The following CACNA1B variants were observed in gnomAD, a reference collection of about 807,000 sequenced individuals.
CACNA1B encodes the protein voltage-dependent N-type calcium channel subunit alpha-1B.
CACNA1B carries 70 observed loss-of-function variants against 247.2 expected under a neutral mutation model. The ratio of observed to expected loss-of-function variants is 0.28; its 90% CI spans 0.23 to 0.35. CACNA1B has a LOEUF of 0.35. CACNA1B is among the 10% of genes least tolerant of loss of function. The pLI is 1.00. For synonymous variants in CACNA1B, 1,231 were observed against 1,294.4 expected, an observed-to-expected ratio of 0.95 and a Z score of 1.05; for missense variants, 2,367 against 3,197.4, an observed-to-expected ratio of 0.74 and a Z score of 6.26.
intron 15 of CACNA1B, among the ~76,000 whole-genome samples, chr9:137,997,032 C>T (rs1480618800): frequency 6.6e-6 from 1 of 152,132 alleles, no homozygotes; most frequent in Non-Finnish European, 1.5e-5. Flanking sequence ...ATTAGAAAAC[C>T]TATGAATGTA....
At chr9:138,009,927 G>T in intron 16 of CACNA1B, 83 bp from the exon 17 acceptor site, 1 of 1,091,282 alleles carries the variant, frequency 9.2e-7, no homozygotes, top group Non-Finnish European at 1.4e-6. Context: ...GAGGCTGGTT[G>T]GGATCTGGGG....
chr9:138,117,180 G>T (rs1961897103), intron 42 of CACNA1B, among the ~76,000 whole-genome samples: 1 of 152,240 alleles, frequency 6.6e-6, no homozygotes, highest in African/African-American at 2.4e-5. Context: ...GTATCTCCGG[G>T]TGGGGCTGTT....
Position 138,120,620 on chromosome 9 carries a change from TC to T in CACNA1B, c.6239-8del. ...GCCTGGCCGTGCTAACTTCTTCTCT[TC>T]CCTGGCCAGCACCAAGCAGTGCTGT... On this transcript the variant is annotated splice_polypyrimidine_tract_variant and intron_variant, in intron 45 of 46. Transcript: ENST00000371372. 1 of 1,487,182 alleles carries T rather than the reference TC, an allele frequency of 6.7e-7. No individual in the cohort carries two copies. Among genetic ancestry groups the T allele is most frequent in the Non-Finnish European group, 8.9e-7 (1 of 1,122,554 alleles). The allele number at this position is 1,487,182 out of a possible 1,614,324, so 92.1% of individuals were successfully genotyped here.
chr9:137,922,443 C>T (rs184520068), intron 6 of CACNA1B, among the ~76,000 whole-genome samples: 1 of 152,346 alleles, frequency 6.6e-6, no homozygotes, highest in Non-Finnish European at 1.5e-5. Context: ...ACATGATCAG[C>T]TGGGCCAGAT....
chr9:137,949,056 GAA>G (rs1589026508), intron 6 of CACNA1B, among the ~76,000 whole-genome samples: 3 of 109,312 alleles, frequency 2.7e-5, no homozygotes, highest in Non-Finnish European at 3.9e-5. Flanking sequence ...GTGTGGGTGT[GAA>G]GTATGTGTGT....
intron 10 of CACNA1B, among the ~76,000 whole-genome samples, chr9:137,968,527 C>T (rs1295939000): frequency 1.3e-5 from 2 of 152,258 alleles, no homozygotes; most frequent in Admixed American, 6.5e-5. Flanking sequence ...CCTCCATCAG[C>T]TCGTGCTTTA....
At chr9:137,965,609 A>ATTTC (rs1958066102) in intron 10 of CACNA1B, among the ~76,000 whole-genome samples, 1 of 151,798 alleles carries the variant, frequency 6.6e-6, no homozygotes, top group South Asian at 2.1e-4. Context: ...TTATTTATTT[A>ATTTC]TTTATTTAAG....
rs1192758157 is a variant in CACNA1B at position 137,954,079 on chromosome 9, C to T, written c.1071-1619C>T. Among the ~76,000 whole-genome samples, 1 of 152,174 alleles carries T rather than the reference C, an allele frequency of 6.6e-6. No homozygotes were observed. The highest frequency in any genetic ancestry group is 2.4e-5 in the African/African-American group (1 of 41,436). Reference sequence around the variant, plus strand: ...CACGGTATTTCCCACTCCTTCCCCACTGTGAGGATCCTGGCCTCTGGGGAG... The same window carrying T: ...CACGGTATTTCCCACTCCTTCCCCATTGTGAGGATCCTGGCCTCTGGGGAG... On this transcript the variant is annotated intron_variant, in intron 7 of 46. Transcript: ENST00000371372. This position sits in a 1 kb window ranked among gnomAD's most constrained non-coding sequence, Gnocchi z 4.1.
At chr9:137,904,616 C>A (rs764566384) in intron 3 of CACNA1B, among the ~76,000 whole-genome samples, 15 of 151,934 alleles carry the variant, frequency 9.9e-5, no homozygotes, top group Non-Finnish European at 1.8e-4. Flanking sequence ...GATCCTCCCA[C>A]CTCTGCCTCT....
Position 138,052,281 on chromosome 9 carries a change from G to A in CACNA1B, c.3807+93G>A. 1 of 595,150 alleles carries A rather than the reference G, an allele frequency of 1.7e-6. No individual in the cohort carries two copies. The highest frequency in any genetic ancestry group is 2.9e-6 in the Non-Finnish European group (1 of 349,284). 36.9% of individuals were successfully genotyped at this position (595,150 alleles called of 1,614,324 possible). ...GTGTGTGTATGCATGCAGTGCATGAGTGTGTGTGTGTTCACATCACACCCC... is the reference window on the plus strand; with the variant it reads ...GTGTGTGTATGCATGCAGTGCATGAATGTGTGTGTGTTCACATCACACCCC... On this transcript the variant is annotated intron_variant, in intron 25 of 46. Transcript: ENST00000371372. The surrounding 1 kb of genome is among the most constrained non-coding windows in gnomAD (Gnocchi z 5.1).
Position 138,050,358 on chromosome 9 carries a change from A to G in CACNA1B, c.3710+1043A>G, listed in dbSNP as rs1218443153. On this transcript the variant is annotated intron_variant, in intron 24 of 46. Coordinates refer to ENST00000371372, the MANE Select transcript of CACNA1B (RefSeq NM_000718.4). The surrounding 1 kb of genome is among the most constrained non-coding windows in gnomAD (Gnocchi z 5.2). ...CCAGCGAGGGCTGGAGGCTGGGGCC[A>G]TTGGCCTGGAGGGCAGCAAGGGCTC... is the stretch of plus-strand genomic sequence containing the variant. Among the ~76,000 whole-genome samples the G allele has an allele frequency of 6.6e-6, 1 of 152,086 alleles. No homozygotes were observed. Among genetic ancestry groups the G allele is most frequent in the Non-Finnish European group, 1.5e-5 (1 of 67,974 alleles).
intron 10 of CACNA1B, among the ~76,000 whole-genome samples, chr9:137,963,763 G>A (rs949553091): frequency 4.6e-5 from 7 of 152,140 alleles, no homozygotes; most frequent in African/African-American, 1.7e-4. Context: ...ATTTTGCAGA[G>A]TTTTTATGTA....
At chr9:138,096,936 G>T (rs1256203865) in intron 37 of CACNA1B, among the ~76,000 whole-genome samples, 1 of 151,430 alleles carries the variant, frequency 6.6e-6, no homozygotes, top group Non-Finnish European at 1.5e-5. Context: ...GTCTTCTGCT[G>T]AAATTTACTG....
intron 23 of CACNA1B, among the ~76,000 whole-genome samples, chr9:138,048,904 G>T (rs1221030062): frequency 6.6e-6 from 1 of 152,224 alleles, no homozygotes; most frequent in Non-Finnish European, 1.5e-5. Context: ...GTTTAGTAGA[G>T]ATGGGGTTTC....
intron 23 of CACNA1B, among the ~76,000 whole-genome samples, chr9:138,048,122 T>C (rs867546506): frequency 6.6e-6 from 1 of 152,228 alleles, no homozygotes; most frequent in Admixed American, 6.5e-5. Context: ...TGACAGCAGA[T>C]GCATGAACAC....
chr9:138,117,014 A>G (rs960123108), intron 42 of CACNA1B, among the ~76,000 whole-genome samples: 1 of 152,190 alleles, frequency 6.6e-6, no homozygotes, highest in Non-Finnish European at 1.5e-5. Context: ...CATTTAGACT[A>G]TCAGGCTCCA....
chr9:138,027,118 G>A (rs1290178054), intron 20 of CACNA1B, among the ~76,000 whole-genome samples: 1 of 152,078 alleles, frequency 6.6e-6, no homozygotes, highest in South Asian at 2.1e-4. Context: ...CTGGCTGTTT[G>A]TTTTCTAGTT....
chr9:138,078,067 T>A, intron 35 of CACNA1B, 47 bp from the exon 36 acceptor site: 2 of 1,589,670 alleles, frequency 1.3e-6, no homozygotes, highest in Non-Finnish European at 1.7e-6. Flanking sequence ...GGGCTCGGGC[T>A]CCCTCAAGGG....
Position 138,054,128 on chromosome 9 carries a change from C to T in CACNA1B, c.3968+122C>T, listed in dbSNP as rs963159627. The stretch of plus-strand genomic sequence containing the variant: ...TGGGAGACTCCACTGCAGAGCATCA[C>T]GGACCCTGCCTGAGGGCCGAGGAGG... On this transcript the variant is annotated intron_variant, in intron 26 of 46. Coordinates refer to ENST00000371372, the MANE Select transcript of CACNA1B (RefSeq NM_000718.4). The surrounding 1 kb of genome is among the most constrained non-coding windows in gnomAD (Gnocchi z 4.6). 3.0e-5 allele frequency: 27 copies of T among 912,018 alleles called. No individual in the cohort carries two copies. Among genetic ancestry groups the T allele is most frequent in the African/African-American group, 6.6e-5 (4 of 60,986 alleles). The allele number at this position is 912,018 out of a possible 1,614,324, so 56.5% of individuals were successfully genotyped here. A position where few individuals can be genotyped will look rare whatever the true frequency, so the allele number is the denominator to read the frequency against.
Sources: allele counts gnomAD v4.1 joint callset (sites outside exome capture counted in the v4.1 genomes callset), GRCh38; gene constraint gnomAD v4.1.1; non-coding constraint Gnocchi (gnomAD v3.1); transcripts MANE v1.5; gene names NCBI Gene and HGNC (gene_info 2026-07-23, HGNC 2026-07-21).